Variants in ZMYM2 observed in about 807,000 individuals in gnomAD.
ZMYM2 encodes the protein zinc finger MYM-type protein 2.
In ZMYM2, 56 loss-of-function variants were observed where a neutral mutation model predicts 162.8. The ratio of observed to expected loss-of-function variants is 0.34; its 90% CI spans 0.28 to 0.43. The LOEUF is 0.43. Ranked by LOEUF, ZMYM2 falls within the 20% of genes least tolerant of loss-of-function variation. The pLI is 1.00. For missense variants in ZMYM2, 1,275 were observed against 1,621.8 expected (o/e 0.79, Z 3.67); for synonymous variants, 510 against 541.6 (o/e 0.94, Z 0.81).
intron 17 of ZMYM2, among the ~76,000 whole-genome samples, chr13:20,062,238 G>A (rs1956286058): frequency 6.6e-6 from 1 of 152,192 alleles, no homozygotes; most frequent in South Asian, 2.1e-4. Context: ...AAGCTAAGTG[G>A]AATAGGGTAA....
At chr13:20,033,711 A>G (rs1259920739) in intron 10 of ZMYM2, among the ~76,000 whole-genome samples, 2 of 152,176 alleles carry the variant, frequency 1.3e-5, no homozygotes, top group African/African-American at 4.8e-5. Context: ...GCCCAGGAGA[A>G]ACAAATTATT....
intron 14 of ZMYM2, among the ~76,000 whole-genome samples, chr13:20,054,628 A>G (rs948792578): frequency 2.6e-5 from 4 of 152,216 alleles, no homozygotes; most frequent in African/African-American, 7.2e-5. Context: ...TATCCTGCCT[A>G]TTGACTAAAA....
chr13:20,000,739 T>G (rs1950330085), intron 3 of ZMYM2, among the ~76,000 whole-genome samples: 1 of 152,228 alleles, frequency 6.6e-6, no homozygotes, highest in South Asian at 2.1e-4. Flanking sequence ...GAGATGAGTG[T>G]TGTTTTCATA....
intron 19 of ZMYM2, among the ~76,000 whole-genome samples, chr13:20,065,370 A>T (rs527465317): frequency 9.5e-4 from 145 of 152,310 alleles, no homozygotes; most frequent in African/African-American, 3.2e-3. Flanking sequence ...ACATAGGCCT[A>T]AATCTTAATG....
the ZMYM2 span, among the ~76,000 whole-genome samples, chr13:19,880,756 T>G: frequency 6.6e-6 from 1 of 152,204 alleles, no homozygotes; most frequent in Admixed American, 6.5e-5. Context: ...ATTTTCTTTT[T>G]GGATTGTTCA....
intron 9 of ZMYM2, among the ~76,000 whole-genome samples, chr13:20,027,538 T>A: frequency 6.6e-6 from 1 of 152,108 alleles, no homozygotes. Flanking sequence ...TGATACAGAT[T>A]TTGAAGGAAA....
At chr13:20,003,996 AAT>A in intron 4 of ZMYM2, among the ~76,000 whole-genome samples, 1 of 152,254 alleles carries the variant, frequency 6.6e-6, no homozygotes, top group Middle Eastern at 3.4e-3. Flanking sequence ...AAATAGCTGG[AAT>A]ATGGTATGTT....
chr13:19,981,306 A>C (rs2146862), intron 2 of ZMYM2, among the ~76,000 whole-genome samples: 110,800 of 146,032 alleles, frequency 0.76, 43,689 homozygotes, highest in Non-Finnish European at 0.87. Flanking sequence ...AACAAACAAA[A>C]AAAAAAACAA....
chr13:19,995,319 C>T (rs1017410022), intron 3 of ZMYM2, among the ~76,000 whole-genome samples: 5 of 151,902 alleles, frequency 3.3e-5, no homozygotes, highest in East Asian at 1.9e-4. Flanking sequence ...TTTTTGACCA[C>T]GTATCTTTAG....
At chr13:20,017,763 A>G (rs185833678) in intron 6 of ZMYM2, among the ~76,000 whole-genome samples, 12 of 151,550 alleles carry the variant, frequency 7.9e-5, no homozygotes, top group Admixed American at 2.6e-4. Flanking sequence ...TATATCTTCT[A>G]TTTCTTTTCT....
intron 17 of ZMYM2, among the ~76,000 whole-genome samples, chr13:20,062,578 T>G (rs184562220): frequency 2.3e-4 from 35 of 152,336 alleles, no homozygotes; most frequent in Admixed American, 1.5e-3. Context: ...TGTTTTACTA[T>G]CAAAGCATAC....
At chr13:19,991,629 T>TC (rs1300679506) in intron 2 of ZMYM2, among the ~76,000 whole-genome samples, 117 of 149,716 alleles carry the variant, frequency 7.8e-4, no homozygotes, top group African/African-American at 2.3e-3. Context: ...TTTTTCTTTT[T>TC]TTTTTTTTTT....
chr13:19,881,749 C>T, the ZMYM2 span, among the ~76,000 whole-genome samples: 1 of 151,912 alleles, frequency 6.6e-6, no homozygotes, highest in Non-Finnish European at 1.5e-5. Context: ...CTTTGATGGC[C>T]GAGGCAGGTG....
intron 2 of ZMYM2, among the ~76,000 whole-genome samples, chr13:19,966,166 C>G (rs1256397556): frequency 6.8e-6 from 1 of 147,202 alleles, no homozygotes; most frequent in African/African-American, 2.5e-5. Flanking sequence ...CAGAGTTTCT[C>G]TCTTGTTGCC....
At chr13:19,916,419 T>A in the ZMYM2 span, among the ~76,000 whole-genome samples, 1 of 152,156 alleles carries the variant, frequency 6.6e-6, no homozygotes, top group Non-Finnish European at 1.5e-5. Flanking sequence ...ACACGTATGT[T>A]TATTGCGGCA....
intron 9 of ZMYM2, among the ~76,000 whole-genome samples, chr13:20,030,001 G>T (rs1370114880): frequency 6.6e-6 from 1 of 151,614 alleles, no homozygotes; most frequent in Non-Finnish European, 1.5e-5. Context: ...CGCCACATTG[G>T]CCAGGCTGGT....
chr13:20,042,920 C>T (rs1954404370), intron 12 of ZMYM2, among the ~76,000 whole-genome samples: 1 of 152,060 alleles, frequency 6.6e-6, no homozygotes, highest in Non-Finnish European at 1.5e-5. Context: ...GATGGGGTTT[C>T]ACCATGTTGG....
At chr13:19,963,351 T>C (rs969292799) in intron 2 of ZMYM2, among the ~76,000 whole-genome samples, 1 of 152,216 alleles carries the variant, frequency 6.6e-6, no homozygotes, top group Non-Finnish European at 1.5e-5. Context: ...TTTTGAAGTA[T>C]TCAGATCAAA....
intron 21 of ZMYM2, among the ~76,000 whole-genome samples, chr13:20,071,419 G>A (rs1282264337): frequency 1.3e-5 from 2 of 152,244 alleles, no homozygotes; most frequent in East Asian, 3.8e-4. Context: ...AATAGGGTGG[G>A]AATGGGCCTG....
Sources: allele counts gnomAD v4.1 joint callset (sites outside exome capture counted in the v4.1 genomes callset), GRCh38; gene constraint gnomAD v4.1.1; transcripts MANE v1.5; gene names NCBI Gene and HGNC (gene_info 2026-07-23, HGNC 2026-07-21).